The following NEMP1 variants were observed in gnomAD, a reference collection of about 807,000 sequenced individuals.
NEMP1 encodes the protein nuclear envelope integral membrane protein 1.
A neutral mutation model predicts 53.7 loss-of-function variants in NEMP1; 29 were observed. The observed-to-expected ratio is 0.54, with a 90% CI of 0.40 to 0.74. The LOEUF (loss-of-function observed/expected upper bound fraction) is 0.74. Among genes scored for constraint, NEMP1 ranks in the 30% least tolerant of loss-of-function variants. NEMP1 has a pLI of 0.00. For synonymous variants in NEMP1, 193 were observed against 192.9 expected (o/e 1.00, Z 0.00); for missense variants, 477 against 528.6 (o/e 0.90, Z 0.96).
intron 1 of NEMP1, among the ~76,000 whole-genome samples, chr12:57,077,054 C>G (rs557843423): frequency 6.6e-6 from 1 of 151,920 alleles, no homozygotes; most frequent in Non-Finnish European, 1.5e-5. Flanking sequence ...ATTTTAAGGC[C>G]GGGTGTGGAG....
chr12:57,084,134 TG>T (rs2032926526), intron 1 of NEMP1, among the ~76,000 whole-genome samples: 1 of 152,326 alleles, frequency 6.6e-6, no homozygotes, highest in African/African-American at 2.4e-5. Flanking sequence ...AGGTAATTTT[TG>T]TATTTTTAGT....
intron 1 of NEMP1, among the ~76,000 whole-genome samples, chr12:57,083,934 C>T (rs1169142729): frequency 2.0e-5 from 3 of 149,850 alleles, no homozygotes; most frequent in African/African-American, 7.5e-5. Context: ...CCACCACGCC[C>T]AGTTAATTTT....
chr12:57,059,786 C>T lies in NEMP1; in HGVS notation c.*93G>A. ...AGGAGAATTTCTACCCTATCTATCT[C>T]ACTCTGTTTCAAAGGGTTGAAAGCA... On this transcript the variant is annotated 3_prime_UTR_variant, in exon 9 of 9. Coordinates refer to ENST00000300128, the MANE Select transcript of NEMP1 (RefSeq NM_001130963.2). 8.7e-7 allele frequency: 1 copy of T among 1,156,038 alleles called. No homozygotes were observed. Among genetic ancestry groups the T allele is most frequent in the Admixed American group, 2.4e-5 (1 of 41,356 alleles). The allele number at this position is 1,156,038 out of a possible 1,614,324, so 71.6% of individuals were successfully genotyped here.
At chr12:57,080,337 G>A (rs1429972894), upstream of NEMP1, among the ~76,000 whole-genome samples, 3 of 150,432 alleles carry the variant, frequency 2.0e-5, no homozygotes, top group Non-Finnish European at 4.4e-5. Flanking sequence ...CTAACACTTT[G>A]GGAGTCCGAG....
At chr12:57,064,595 C>T in intron 5 of NEMP1, 51 bp downstream of exon 5, 1 of 1,409,256 alleles carries the variant, frequency 7.1e-7, no homozygotes, top group Non-Finnish European at 9.9e-7. Flanking sequence ...GAAAACAGTC[C>T]TTCAGCTATC....
At chr12:57,060,186 C>T (rs1477066662) in intron 8 of NEMP1, 127 bp from the exon 9 acceptor site, 2 of 851,998 alleles carry the variant, frequency 2.3e-6, no homozygotes, top group East Asian at 2.7e-5. Flanking sequence ...TAGCCAACAT[C>T]CTTGTCCTTA....
chr12:57,060,083 G>A (rs745901506), intron 8 of NEMP1, 24 bp from the exon 9 acceptor site: 17 of 1,607,056 alleles, frequency 1.1e-5, no homozygotes, highest in Middle Eastern at 1.7e-4. Flanking sequence ...GATAATACTC[G>A]TTAGAAATAT....
upstream of NEMP1, among the ~76,000 whole-genome samples, chr12:57,079,505 T>C (rs1483560676): frequency 6.6e-6 from 1 of 152,210 alleles, no homozygotes; most frequent in African/African-American, 2.4e-5. Context: ...TCATAGTTCA[T>C]CTGGTCTGTG....
intron 4 of NEMP1, among the ~76,000 whole-genome samples, chr12:57,066,688 A>T (rs1157671653): frequency 1.3e-5 from 2 of 152,196 alleles, no homozygotes; most frequent in Admixed American, 6.5e-5. Context: ...TCACTGTCTA[A>T]TATGGTTTGG....
upstream of NEMP1, among the ~76,000 whole-genome samples, chr12:57,080,456 G>A (rs1009862561): frequency 6.6e-6 from 1 of 152,068 alleles, no homozygotes; most frequent in African/African-American, 2.4e-5. Flanking sequence ...GTAGGTGGCT[G>A]TAAGCCCAGC....
rs944086128 is a variant in NEMP1 at position 57,057,713 on chromosome 12, C to G, written c.*2166G>C. Reference sequence around the variant, plus strand: ...AAGTCTAAACACGGTGGAAAAAAAACTGGTCTAGAGATGGAAACTATATTT... The same window carrying G: ...AAGTCTAAACACGGTGGAAAAAAAAGTGGTCTAGAGATGGAAACTATATTT... On this transcript the variant is annotated 3_prime_UTR_variant, in exon 9 of 9. Coordinates refer to ENST00000300128, the MANE Select transcript of NEMP1 (RefSeq NM_001130963.2). The G allele has an allele frequency of 6.6e-6, 1 of 152,120 alleles. No homozygotes were observed. The highest frequency in any genetic ancestry group is 2.1e-4 in the South Asian group (1 of 4,822). The allele number at this position is 152,120 out of a possible 1,614,324, so 9.4% of individuals were successfully genotyped here.
At position 57,087,061 on chromosome 12, in the gene NEMP1, G is replaced by A. The variant is rs141657144; in HGVS notation, n.113+890C>T. Among the ~76,000 whole-genome samples the A allele has an allele frequency of 1.0e-3, 159 of 152,314 alleles. 2 individuals carry two copies. The East Asian group carries it at 0.023, about 22-fold the overall frequency. ...GCTGGCTCCCCTAGGGGAGTGGGCAGGCCCCTTCTGCGGAATTTCTCTTCC... is the reference window on the plus strand; with the variant it reads ...GCTGGCTCCCCTAGGGGAGTGGGCAAGCCCCTTCTGCGGAATTTCTCTTCC... On this transcript the variant is annotated intron_variant and non_coding_transcript_variant, in intron 1 of 2. Coordinates refer to the NEMP1 transcript ENST00000553654.
intron 1 of NEMP1, among the ~76,000 whole-genome samples, chr12:57,084,843 A>G (rs979941992): frequency 6.6e-6 from 1 of 152,248 alleles, no homozygotes; most frequent in African/African-American, 2.4e-5. Flanking sequence ...GAAATTTTAT[A>G]TTTATTGAAT....
Position 57,060,028 on chromosome 12 carries a change from G to A in NEMP1, c.1186C>T (p.Leu396Phe), listed in dbSNP as rs1353308530. ...FADFVEGSSH[L>F]TPNEVSVHEQ... is the part of the protein sequence containing the mutation. Reference sequence around the variant, plus strand: ...TGGACAGAAACTTCATTTGGCGTGAGGTGGGAAGAGCCTTCCACAAAGTCA... The same window carrying A: ...TGGACAGAAACTTCATTTGGCGTGAAGTGGGAAGAGCCTTCCACAAAGTCA... The change falls in exon 9 of 9, where the codon CTC becomes TTC. Residue 396 changes from leucine (L) to phenylalanine (F), a missense_variant. Coordinates refer to ENST00000300128, the MANE Select transcript of NEMP1 (RefSeq NM_001130963.2). 1 of 1,613,950 alleles carries A rather than the reference G, an allele frequency of 6.2e-7. No homozygotes were observed. The highest frequency in any genetic ancestry group is 8.5e-7 in the Non-Finnish European group (1 of 1,179,940).
intron 1 of NEMP1, 152 bp from the exon 2 acceptor site, chr12:57,073,064 G>T: frequency 4.0e-6 from 2 of 502,174 alleles, no homozygotes; most frequent in Non-Finnish European, 6.7e-6. Context: ...GAAGAAGGAA[G>T]AACTAAGGCA....
chr12:57,062,797 T>A (rs1227354598), intron 7 of NEMP1, among the ~76,000 whole-genome samples: 1 of 152,006 alleles, frequency 6.6e-6, no homozygotes, highest in Non-Finnish European at 1.5e-5. Context: ...TGAGCCGAGA[T>A]CACGCCACTG....
upstream of NEMP1, among the ~76,000 whole-genome samples, chr12:57,088,484 C>G (rs1215402211): frequency 6.6e-6 from 1 of 152,202 alleles, no homozygotes; most frequent in Non-Finnish European, 1.5e-5. Flanking sequence ...GCCGCACAGC[C>G]CAGCCTTCGC....
chr12:57,066,806 T>C (rs2032100476), intron 4 of NEMP1, among the ~76,000 whole-genome samples: 1 of 150,070 alleles, frequency 6.7e-6, no homozygotes, highest in South Asian at 2.1e-4. Context: ...GTTGCCCTCA[T>C]ACTGTTCTCA....
At chr12:57,066,727 A>T (rs527407945) in intron 4 of NEMP1, among the ~76,000 whole-genome samples, 5 of 152,104 alleles carry the variant, frequency 3.3e-5, no homozygotes, top group Admixed American at 1.3e-4. Context: ...CTCATCTTGA[A>T]TTGTAGCTCC....
Sources: allele counts gnomAD v4.1 joint callset (sites outside exome capture counted in the v4.1 genomes callset), GRCh38; gene constraint gnomAD v4.1.1; transcripts MANE v1.5; gene names NCBI Gene and HGNC (gene_info 2026-07-23, HGNC 2026-07-21).